Variants in PRX observed in about 807,000 individuals in gnomAD.
PRX encodes the protein periaxin.
Under a neutral mutation model 29.6 loss-of-function variants are expected in PRX, and 24 were observed. That is an observed-to-expected ratio of 0.81 (90% CI 0.59 to 1.14). PRX has a LOEUF of 1.14. PRX is among the 50% of genes most tolerant of loss of function. The pLI, the probability that PRX is intolerant of heterozygous loss-of-function variation, is 0.00. For missense variants in PRX, 1,838 were observed against 1,926.4 expected, an observed-to-expected ratio of 0.95 and a Z score of 0.86; for synonymous variants, 772 against 831.7, an observed-to-expected ratio of 0.93 and a Z score of 1.24.
chr19:40,399,887 C>CTTTCTT (rs1555801745), intron 5 of PRX, among the ~76,000 whole-genome samples: 2 of 74,036 alleles, frequency 2.7e-5, no homozygotes, highest in Non-Finnish European at 5.8e-5. Flanking sequence ...TTCTTTCTTT[C>CTTTCTT]TTTCTTTCTT....
Position 40,408,081 on chromosome 19 carries a change from G to T in PRX, c.-99-50C>A. On this transcript the variant is annotated intron_variant, in intron 3 of 6. Transcript: ENST00000324001. ...TTGAGGCCAGTAGGGGACGAGAGGT[G>T]GAGGCCATGCTTACAGGGAGAAAGC... 2.0e-6 allele frequency: 2 copies of T among 1,023,968 alleles called. 1 individual carries two copies. Among genetic ancestry groups the T allele is most frequent in the South Asian group, 2.7e-5 (2 of 73,836 alleles). 63.4% of individuals were successfully genotyped at this position (1,023,968 alleles called of 1,614,324 possible). A position where few individuals can be genotyped will look rare whatever the true frequency, so the allele number is the denominator to read the frequency against.
At position 40,398,221 on chromosome 19, in the gene PRX, G is replaced by T; in HGVS notation, c.382-251C>A. The T allele has an allele frequency of 1.4e-6, 2 of 1,415,892 alleles. No individual in the cohort carries two copies. Among genetic ancestry groups the T allele is most frequent in the Non-Finnish European group, 1.8e-6 (2 of 1,090,788 alleles). 87.7% of individuals were successfully genotyped at this position (1,415,892 alleles called of 1,614,324 possible). On this transcript the variant is annotated intron_variant, in intron 6 of 6. Transcript: ENST00000324001. This position sits in a 1 kb window ranked among gnomAD's most constrained non-coding sequence, Gnocchi z 6.3. ...ACCCAAGACTTCTAGATCCTGATCC[G>T]GGATTTTCCCCAACATCCTCATTCT...
Position 40,396,152 on chromosome 19 carries a change from CA to C in PRX, c.2199del (p.Glu734ArgfsTer41). 1 of 1,613,552 alleles carries C rather than the reference CA, an allele frequency of 6.2e-7. No homozygotes were observed. Among genetic ancestry groups the C allele is most frequent in the Non-Finnish European group, 8.5e-7 (1 of 1,179,620 alleles). ...KLPEIKLPKVPEMAVPDVHLP... is the reference protein window; with the variant it reads ...KLPEIKLPKVXEMAVPDVHLP... ...AGGTGCACATCGGGCACAGCCATCT[CA>C]GGCACCTTGGGGAGTTTTATCTCTG... On this transcript the variant is annotated frameshift_variant, in exon 7 of 7. Transcript: ENST00000324001. LOFTEE classifies it low-confidence loss of function (END_TRUNC).
chr19:40,408,309 G>A (rs1216360622), intron 2 of PRX, 31 bp downstream of exon 2: 2 of 422,798 alleles, frequency 4.7e-6, no homozygotes, highest in Non-Finnish European at 8.9e-6. Flanking sequence ...GAAGGGGTGG[G>A]GAGGGGCATA....
chr19:40,408,015 A>G lies in PRX; in HGVS notation c.-83T>C. On this transcript the variant is annotated 5_prime_UTR_variant, in exon 4 of 7. Coordinates refer to ENST00000324001, the MANE Select transcript of PRX (RefSeq NM_181882.3). ...CAGAACCAGCTTCAGTTCTGCATGG[A>G]GCAGCTGCCTCTGAGCCTGTGGGAG... 2.5e-6 allele frequency: 4 copies of G among 1,586,928 alleles called. No homozygotes were observed. The highest frequency in any genetic ancestry group is 3.4e-6 in the Non-Finnish European group (4 of 1,162,194).
At chr19:40,409,451 C>CTGCTATTATTAT (rs1555802688) in intron 1 of PRX, among the ~76,000 whole-genome samples, 15 of 142,358 alleles carry the variant, frequency 1.1e-4, no homozygotes, top group African/African-American at 3.7e-4. Context: ...TAAATACTTG[C>CTGCTATTATTAT]TATTATTATT....
At chr19:40,409,480 A>ATTATT (rs1010392924) in intron 1 of PRX, among the ~76,000 whole-genome samples, 29 of 148,644 alleles carry the variant, frequency 2.0e-4, no homozygotes, top group Non-Finnish European at 4.0e-4. Context: ...TATTATTATT[A>ATTATT]TTATTATTTT....
At position 40,395,610 on chromosome 19, in the gene PRX, C is replaced by T. The variant is rs746664787; in HGVS notation, c.2742G>A (p.Glu914=). The change falls in exon 7 of 7, where the codon GAG becomes GAA. Residue 914 remains glutamate, a synonymous_variant. Transcript: ENST00000324001. The part of the protein sequence containing the change: ...VTPQLPAVEI[E]EGRLEMIETK... ...TCTCTATCATCTCCAGCCGCCCTTC[C>T]TCAATTTCCACGGCGGGCAGCTGTG... 6.2e-7 allele frequency: 1 copy of T among 1,614,200 alleles called. No individual in the cohort carries two copies. The highest frequency in any genetic ancestry group is 1.1e-5 in the South Asian group (1 of 91,084).
chr19:40,407,215 TG>T (rs1162890517), intron 4 of PRX, among the ~76,000 whole-genome samples: 2 of 39,318 alleles, frequency 5.1e-5, no homozygotes, highest in Non-Finnish European at 1.2e-4. Flanking sequence ...TATGCCCTTG[TG>T]TGTGTGTGTG....
In PRX at chr19:40,398,598, G is replaced by T. The variant is rs1316795222; in HGVS notation, c.381+22C>A. The T allele has an allele frequency of 4.3e-6, 7 of 1,612,266 alleles. No homozygotes were observed. Among genetic ancestry groups the T allele is most frequent in the African/African-American group, 1.3e-5 (1 of 74,904 alleles). ...GGATCGCTGGGGCAGTCCAGGGCCGGGGCCGGGCTAAGCACGCGTACCAGC... is the reference window on the plus strand; with the variant it reads ...GGATCGCTGGGGCAGTCCAGGGCCGTGGCCGGGCTAAGCACGCGTACCAGC... On this transcript the variant is annotated intron_variant, in intron 6 of 6. Transcript: ENST00000324001. This position sits in a 1 kb window ranked among gnomAD's most constrained non-coding sequence, Gnocchi z 6.3.
At position 40,408,325 on chromosome 19, in the gene PRX, C is replaced by T; in HGVS notation, c.-199+15G>A. On this transcript the variant is annotated intron_variant, in intron 2 of 6. Transcript: ENST00000324001. ...AAGGGGTGGGGAGGGGCATATGGCA[C>T]CAGCCTGCGCTCACCTGAGGGTCAC... 1 of 383,984 alleles carries T rather than the reference C, an allele frequency of 2.6e-6. No homozygotes were observed. Among genetic ancestry groups the T allele is most frequent in the Non-Finnish European group, 4.9e-6 (1 of 202,278 alleles). The allele number at this position is 383,984 out of a possible 1,614,324, so 23.8% of individuals were successfully genotyped here.
Position 40,395,663 on chromosome 19 carries a change from G to GTT in PRX, c.2688_2689insAA (p.Arg897AsnfsTer25). On this transcript the variant is annotated frameshift_variant, in exon 7 of 7. Transcript: ENST00000324001. LOFTEE classifies it low-confidence loss of function (END_TRUNC). The stretch of plus-strand genomic sequence containing the variant: ...GTGACAATTTCAACAGAGGGCACTC[G>GTT]GAAGCCCACTTCCCTGACCCCTGCT... The GTT allele has an allele frequency of 6.2e-7, 1 of 1,614,116 alleles. No homozygotes were observed. The highest frequency in any genetic ancestry group is 8.5e-7 in the Non-Finnish European group (1 of 1,180,014).
rs2079413672 is a variant in PRX, at chr19:40,394,693, T to TG, written c.3658dup (p.Gln1220ProfsTer3). The TG allele has an allele frequency of 6.2e-7, 1 of 1,611,022 alleles. No individual in the cohort carries two copies. The highest frequency in any genetic ancestry group is 8.5e-7 in the Non-Finnish European group (1 of 1,179,962). ...GCTTAGCCCCACGTCCAGCTCAAGC[T>TG]GGGGCACTGTCACGGTGGGCATCTT... On this transcript the variant is annotated frameshift_variant, in exon 7 of 7. Coordinates refer to ENST00000324001, the MANE Select transcript of PRX (RefSeq NM_181882.3). LOFTEE classifies it high-confidence loss of function. The surrounding 1 kb of genome is among the most constrained non-coding windows in gnomAD (Gnocchi z 5.8).
At position 40,396,756 on chromosome 19, in the gene PRX, C is replaced by T. The variant is rs751136125; in HGVS notation, c.1596G>A (p.Lys532=). 6.2e-7 allele frequency: 1 copy of T among 1,610,586 alleles called. No individual in the cohort carries two copies. The change falls in exon 7 of 7, where the codon AAG becomes AAA. Residue 532 remains lysine (K), a synonymous_variant. Coordinates refer to ENST00000324001, the MANE Select transcript of PRX (RefSeq NM_181882.3). ...LLKVSEMKLP[K]VPEMAVPEVR... ...CCTCCGGCACAGCCATCTCTGGCAC[C>T]TTTGGGAGTTTCATCTCCGACACTT...
At position 40,394,844 on chromosome 19, in the gene PRX, C is replaced by T. The variant is rs759410504; in HGVS notation, c.3508G>A (p.Ala1170Thr). The T allele has an allele frequency of 1.9e-5, 30 of 1,612,620 alleles. No individual in the cohort carries two copies. The Admixed American group carries it at 4.5e-4, about 24-fold the overall frequency. ...FGEAGTPGQQ[A>T]QSTVPSAEGT... The stretch of plus-strand genomic sequence containing the variant: ...TCTGCTGAAGGGACTGTACTCTGAG[C>T]CTGCTGCCCTGGGGTACCTGCCTCC... The change falls in exon 7 of 7, where the codon GCT (alanine) becomes ACT (threonine). Residue 1170 changes from alanine to threonine, a missense_variant. By Grantham distance (58) the Ala-to-Thr change is moderately conservative. Transcript: ENST00000324001. The surrounding 1 kb of genome is among the most constrained non-coding windows in gnomAD (Gnocchi z 5.8).
Position 40,397,428 on chromosome 19 carries a change from TGTGGGCAGA to T in PRX, c.915_923del (p.Thr308_Pro310del), listed in dbSNP as rs1170437868. 1 of 1,604,228 alleles carries T rather than the reference TGTGGGCAGA, an allele frequency of 6.2e-7. No homozygotes were observed. The highest frequency in any genetic ancestry group is 8.5e-7 in the Non-Finnish European group (1 of 1,176,374). Reference sequence around the variant, plus strand: ...CTTCCCGGGTCTCTAGGCAGGGAAGTGTGGGCAGAGTGGGCAGTGAGGGCAAGGCAGGCA... The same window carrying T: ...CTTCCCGGGTCTCTAGGCAGGGAAGTGTGGGCAGTGAGGGCAAGGCAGGCA... On this transcript the variant is annotated inframe_deletion, in exon 7 of 7. Transcript: ENST00000324001.
intron 4 of PRX, among the ~76,000 whole-genome samples, chr19:40,405,938 CTT>C (rs1276538423): frequency 2.1e-5 from 3 of 144,004 alleles, no homozygotes; most frequent in African/African-American, 5.0e-5. Flanking sequence ...CGCCCGGCCT[CTT>C]TTTTTTTTTT....
rs535958285 is a variant in PRX, at chr19:40,397,491, G to A, written c.861C>T (p.Ala287=). ...APAPPAVEAP[A]VGIQVPQVEL... The stretch of plus-strand genomic sequence containing the variant: ...CCACCTGGGGGACCTGGATTCCCAC[G>A]GCTGGGGCCTCCACAGCAGGCGGAG... Residue 287 remains alanine, a synonymous_variant, in exon 7 of 7, where the codon GCC becomes GCT. Coordinates refer to ENST00000324001, the MANE Select transcript of PRX (RefSeq NM_181882.3). The A allele has an allele frequency of 6.2e-5, 97 of 1,560,552 alleles. No homozygotes were observed. In the South Asian group the frequency reaches 7.1e-4, roughly 11 times the overall value.
rs1253317828 is a variant in PRX at position 40,399,901 on chromosome 19, TTCTTTTTC to T, written c.185-1093_185-1086del. ...TTTCTTTCTTTCTTTCTTTCTTTCT[TTCTTTTTC>T]TTTCTTTCTTTCTTTCACCCAGCTT... On this transcript the variant is annotated intron_variant, in intron 5 of 6. Transcript: ENST00000324001. Among the ~76,000 whole-genome samples, 425 of 67,820 alleles carry T rather than the reference TTCTTTTTC, an allele frequency of 6.3e-3. 1 individual carries two copies. The highest frequency in any genetic ancestry group is 0.031 in the African/African-American group (225 of 7,156). 44.5% of individuals were successfully genotyped at this position (67,820 alleles called of 152,430 possible).
Sources: gnomAD v4.1 joint callset for allele counts (sites outside exome capture counted in the v4.1 genomes callset) on GRCh38, gnomAD v4.1.1 for gene constraint, Gnocchi (gnomAD v3.1) non-coding constraint, MANE v1.5 for transcripts, NCBI Gene and HGNC (gene_info 2026-07-23, HGNC 2026-07-21) for gene names.